PHKB: variants seen among roughly 807,000 people sequenced by gnomAD.
PHKB encodes phosphorylase b kinase regulatory subunit beta.
PHKB carries 122 observed loss-of-function variants against 152.1 expected under a neutral mutation model. The observed-to-expected ratio is 0.80, with a 90% CI of 0.69 to 0.93. PHKB has a LOEUF of 0.93. Ranked by LOEUF, PHKB falls within the 40% of genes least tolerant of loss-of-function variation. PHKB has a pLI of 0.00. For synonymous variants in PHKB, 436 were observed against 464.9 expected (o/e 0.94, Z 0.80); for missense variants, 1,304 against 1,328.4 (o/e 0.98, Z 0.29).
In PHKB at chr16:47,471,567, A is replaced by G. The variant is rs1969768520; in HGVS notation, c.76+10141A>G. 2.6e-5 allele frequency among the ~76,000 whole-genome samples: 4 copies of G among 152,316 alleles called. No individual in the cohort carries two copies. The South Asian group carries it at 8.3e-4, about 32-fold the overall frequency. Reference sequence around the variant, plus strand: ...TAGGGCCACTCAATCTATGTTTGATAGTGAATGGCTGTGAAGGCACAGATA... The same window carrying G: ...TAGGGCCACTCAATCTATGTTTGATGGTGAATGGCTGTGAAGGCACAGATA... On this transcript the variant is annotated intron_variant, in intron 1 of 30. Coordinates refer to ENST00000323584, the MANE Select transcript of PHKB (RefSeq NM_000293.3).
rs112490003 is a variant in PHKB, at chr16:47,470,889, C to G, written c.76+9463C>G. 3.7e-3 allele frequency among the ~76,000 whole-genome samples: 568 copies of G among 152,272 alleles called. 4 individuals are homozygous for G. The highest frequency in any genetic ancestry group is 0.024 in the Middle Eastern group (7 of 294). On this transcript the variant is annotated intron_variant, in intron 1 of 30. Transcript: ENST00000323584. ...AGCTAATAGCCTGATGGAATTTATGCAGAACTCAAGGCGACCAGTGCTTTT... is the reference window on the plus strand; with the variant it reads ...AGCTAATAGCCTGATGGAATTTATGGAGAACTCAAGGCGACCAGTGCTTTT...
At chr16:47,683,997 C>G (rs530539306) in intron 26 of PHKB, among the ~76,000 whole-genome samples, 68 of 151,480 alleles carry the variant, frequency 4.5e-4, no homozygotes, top group African/African-American at 1.5e-3. Context: ...TTATTTTTTC[C>G]AAGGATCAGT....
intron 16 of PHKB, among the ~76,000 whole-genome samples, chr16:47,647,404 G>A (rs1179279119): frequency 2.0e-5 from 3 of 152,090 alleles, no homozygotes; most frequent in Non-Finnish European, 1.5e-5. Context: ...GATTACAGGC[G>A]TGAGCCACTG....
At chr16:47,657,497 C>T (rs932610985) in intron 20 of PHKB, among the ~76,000 whole-genome samples, 5 of 152,038 alleles carry the variant, frequency 3.3e-5, no homozygotes, top group African/African-American at 7.2e-5. Flanking sequence ...TATTATATTG[C>T]GTTTGACACA....
chr16:47,534,990 A>T (rs550772817), intron 6 of PHKB, among the ~76,000 whole-genome samples: 2 of 152,332 alleles, frequency 1.3e-5, no homozygotes, highest in South Asian at 4.1e-4. Context: ...GAGGACTAAA[A>T]TTACTTCACT....
At chr16:47,569,507 G>C (rs967876416) in intron 7 of PHKB, among the ~76,000 whole-genome samples, 2 of 152,124 alleles carry the variant, frequency 1.3e-5, no homozygotes, top group Non-Finnish European at 1.5e-5. Context: ...ATTTACATTC[G>C]AAAATAGTAT....
chr16:47,619,861 C>T (rs964386057), intron 14 of PHKB, among the ~76,000 whole-genome samples: 2 of 152,162 alleles, frequency 1.3e-5, no homozygotes, highest in Non-Finnish European at 2.9e-5. Context: ...TTTTGCGTTA[C>T]AGTTGTCCAC....
intron 6 of PHKB, 35 bp from the exon 7 acceptor site, chr16:47,547,398 A>G: frequency 5.4e-6 from 7 of 1,301,638 alleles, no homozygotes; most frequent in Non-Finnish European, 7.8e-6. Context: ...CCTGTTATTG[A>G]GTATGTCCTT....
Position 47,543,367 on chromosome 16 carries a change from G to T in PHKB, c.595-4066G>T, listed in dbSNP as rs149069869. Among the ~76,000 whole-genome samples, 885 of 152,296 alleles carry T rather than the reference G, an allele frequency of 5.8e-3. 10 individuals carry two copies. Among genetic ancestry groups the T allele is most frequent in the African/African-American group, 0.02 (840 of 41,564 alleles). On this transcript the variant is annotated intron_variant, in intron 6 of 30. Coordinates refer to ENST00000323584, the MANE Select transcript of PHKB (RefSeq NM_000293.3). ...GGATGATGCCAACTTGATCGTGTTG[G>T]ATAAGCTTTTTGATGTGCTGCTGGA...
chr16:47,627,510 A>G (rs975580625), intron 14 of PHKB, among the ~76,000 whole-genome samples: 4 of 152,216 alleles, frequency 2.6e-5, no homozygotes, highest in Non-Finnish European at 5.9e-5. Flanking sequence ...TGCTGTCAAA[A>G]AGCATTGCCT....
At chr16:47,591,969 C>A (rs981664711) in intron 10 of PHKB, among the ~76,000 whole-genome samples, 2 of 152,138 alleles carry the variant, frequency 1.3e-5, no homozygotes, top group African/African-American at 4.8e-5. Context: ...CTCCAGGAGA[C>A]ATTTGACAAT....
intron 1 of PHKB, among the ~76,000 whole-genome samples, chr16:47,495,654 A>T (rs192922876): frequency 1.3e-4 from 20 of 152,246 alleles, no homozygotes; most frequent in Admixed American, 3.3e-4. Flanking sequence ...CCTAGAGCTT[A>T]TTACCTTATG....
intron 14 of PHKB, among the ~76,000 whole-genome samples, chr16:47,622,486 G>T (rs1328006335): frequency 1.3e-5 from 2 of 152,086 alleles, no homozygotes; most frequent in African/African-American, 2.4e-5. Flanking sequence ...CTGTCATGCA[G>T]GTGAATAAAA....
chr16:47,554,181 G>A (rs555945451), intron 7 of PHKB, among the ~76,000 whole-genome samples: 1 of 152,278 alleles, frequency 6.6e-6, no homozygotes, highest in East Asian at 1.9e-4. Flanking sequence ...GCCCCTGACT[G>A]TGGCTGCTGC....
intron 14 of PHKB, among the ~76,000 whole-genome samples, chr16:47,636,438 C>T (rs1296727749): frequency 6.6e-6 from 1 of 152,174 alleles, no homozygotes; most frequent in Non-Finnish European, 1.5e-5. Flanking sequence ...CTCTCAGGTG[C>T]AGCTGCAGCT....
chr16:47,515,872 T>A (rs1288285377), intron 6 of PHKB, among the ~76,000 whole-genome samples: 1 of 152,078 alleles, frequency 6.6e-6, no homozygotes, highest in Non-Finnish European at 1.5e-5. Context: ...ATGTAACTTT[T>A]AAAAAATTTT....
chr16:47,694,417 G>A lies in PHKB; in HGVS notation c.2895+910G>A, dbSNP rs993937535. Among the ~76,000 whole-genome samples, 4 of 152,224 alleles carry A rather than the reference G, an allele frequency of 2.6e-5. No individual in the cohort carries two copies. In the South Asian group the frequency reaches 6.2e-4, roughly 24 times the overall value. ...GCACAGACCCACACTCATTTTGCTT[G>A]TATCTACCTAAGAGTGTCTCTGTAA... On this transcript the variant is annotated intron_variant, in intron 28 of 30. Coordinates refer to ENST00000323584, the MANE Select transcript of PHKB (RefSeq NM_000293.3).
intron 14 of PHKB, 135 bp downstream of exon 14, chr16:47,611,055 A>C (rs1303184325): frequency 1.4e-6 from 1 of 700,176 alleles, no homozygotes. Context: ...TGGTTAGTTA[A>C]GATTTACTTG....
chr16:47,660,546 TA>T lies in PHKB; in HGVS notation c.2013del (p.Arg672GlufsTer17). 1.2e-6 allele frequency: 2 copies of T among 1,613,852 alleles called. No homozygotes were observed. The highest frequency in any genetic ancestry group is 1.7e-6 in the Non-Finnish European group (2 of 1,179,718). On this transcript the variant is annotated frameshift_variant, in exon 21 of 31. Transcript: ENST00000323584. LOFTEE classifies it high-confidence loss of function. ...SGAVVEQLDF[L>X]RISDTEELPE... ...GCTGTGGTAGAACAACTTGATTTCC[TA>T]CGAATCAGTGACACAGAAGAGTAAG...
Sources: allele counts gnomAD v4.1 joint callset (sites outside exome capture counted in the v4.1 genomes callset), GRCh38; gene constraint gnomAD v4.1.1; transcripts MANE v1.5; gene names NCBI Gene and HGNC (gene_info 2026-07-23, HGNC 2026-07-21).